The following FIG4 variants were observed in gnomAD, a reference collection of about 807,000 sequenced individuals.
The protein encoded by FIG4 is FIG4 phosphoinositide 5-phosphatase, also known as polyphosphoinositide phosphatase.
Under a neutral mutation model 118.6 loss-of-function variants are expected in FIG4, and 112 were observed. That is an observed-to-expected ratio of 0.94 (90% CI 0.81 to 1.11). The LOEUF is 1.11. FIG4 is among the 50% of genes least tolerant of loss of function. FIG4 has a pLI of 0.00. For missense variants in FIG4, 969 were observed against 1,111.7 expected, an observed-to-expected ratio of 0.87 and a Z score of 1.83; for synonymous variants, 369 against 381.2, an observed-to-expected ratio of 0.97 and a Z score of 0.37.
At chr6:109,808,455 A>G (rs1321636923) in intron 22 of FIG4, among the ~76,000 whole-genome samples, 1 of 151,906 alleles carries the variant, frequency 6.6e-6, no homozygotes, top group East Asian at 1.9e-4. Context: ...ACTTGAATGC[A>G]TGTATTTTTA....
At chr6:109,748,132 A>T (rs909243597) in intron 10 of FIG4, among the ~76,000 whole-genome samples, 1 of 152,082 alleles carries the variant, frequency 6.6e-6, no homozygotes, top group Non-Finnish European at 1.5e-5. Flanking sequence ...TGGGAGGGTA[A>T]GTTGACTAGA....
chr6:109,757,409 T>C (rs549312209), intron 10 of FIG4, among the ~76,000 whole-genome samples: 2 of 152,294 alleles, frequency 1.3e-5, no homozygotes, highest in African/African-American at 4.8e-5. Context: ...TGCAATAAAA[T>C]TGAACACCCA....
chr6:109,760,666 G>C (rs1022745025), intron 11 of FIG4, among the ~76,000 whole-genome samples: 19 of 152,018 alleles, frequency 1.2e-4, no homozygotes, highest in African/African-American at 4.3e-4. Flanking sequence ...ATATCATTCT[G>C]TCTCACTATT....
At chr6:109,810,142 AGT>A (rs1026294871) in intron 22 of FIG4, among the ~76,000 whole-genome samples, 17 of 152,162 alleles carry the variant, frequency 1.1e-4, no homozygotes, top group African/African-American at 4.1e-4. Context: ...CTAACCCCTA[AGT>A]ATGTTACTGC....
At chr6:109,738,173 C>A in intron 6 of FIG4, 152 bp from the exon 7 acceptor site, 2 of 672,992 alleles carry the variant, frequency 3.0e-6, no homozygotes, top group Non-Finnish European at 2.6e-6. Flanking sequence ...TGCTATTAAC[C>A]AAGCATGTTA....
At chr6:109,755,942 C>A (rs534586363) in intron 10 of FIG4, among the ~76,000 whole-genome samples, 4 of 152,168 alleles carry the variant, frequency 2.6e-5, no homozygotes, top group African/African-American at 4.8e-5. Flanking sequence ...TTACATTTAA[C>A]GTTAATATTG....
At chr6:109,820,583 A>G (rs550445979) in intron 22 of FIG4, among the ~76,000 whole-genome samples, 6 of 152,294 alleles carry the variant, frequency 3.9e-5, no homozygotes, top group Admixed American at 3.9e-4. Context: ...GCCGATCTCC[A>G]GAACAAGGAA....
intron 15 of FIG4, among the ~76,000 whole-genome samples, chr6:109,769,468 G>A (rs1777392300): frequency 6.6e-6 from 1 of 152,036 alleles, no homozygotes; most frequent in South Asian, 2.1e-4. Flanking sequence ...ATATCATTGG[G>A]GTGTACAACT....
intron 22 of FIG4, among the ~76,000 whole-genome samples, chr6:109,823,880 A>AG (rs1779082134): frequency 1.3e-5 from 2 of 152,194 alleles, no homozygotes; most frequent in African/African-American, 4.8e-5. Flanking sequence ...GCCAGCCCTG[A>AG]GCCAAGTAGC....
intron 11 of FIG4, among the ~76,000 whole-genome samples, chr6:109,761,579 G>A (rs993342005): frequency 5.3e-5 from 8 of 152,142 alleles, no homozygotes; most frequent in Non-Finnish European, 2.9e-5. Flanking sequence ...TGGAGATGGG[G>A]TTTCACCATG....
At chr6:109,799,009 C>T (rs1778361758) in intron 22 of FIG4, among the ~76,000 whole-genome samples, 1 of 152,020 alleles carries the variant, frequency 6.6e-6, no homozygotes, top group Non-Finnish European at 1.5e-5. Context: ...GTGATTATTC[C>T]ACTAAAATAA....
At chr6:109,713,105 G>A (rs1008648372) in intron 1 of FIG4, among the ~76,000 whole-genome samples, 15 of 152,184 alleles carry the variant, frequency 9.9e-5, no homozygotes, top group African/African-American at 1.4e-4. Context: ...TATCCGATGC[G>A]CTGAGGGTGC....
chr6:109,743,069 C>G, intron 8 of FIG4, 41 bp from the exon 9 acceptor site: 1 of 1,524,832 alleles, frequency 6.6e-7, no homozygotes, highest in Non-Finnish European at 9.1e-7. Context: ...TTAAACATTT[C>G]TAATAACATA....
intron 1 of FIG4, among the ~76,000 whole-genome samples, chr6:109,705,408 TC>T (rs1255357670): frequency 2.6e-5 from 4 of 152,328 alleles, no homozygotes; most frequent in African/African-American, 9.6e-5. Flanking sequence ...TTTCTTTCCC[TC>T]ATAACTGGCT....
chr6:109,740,491 G>A (rs1343624946), intron 7 of FIG4, among the ~76,000 whole-genome samples: 1 of 152,072 alleles, frequency 6.6e-6, no homozygotes, highest in Non-Finnish European at 1.5e-5. Context: ...TTACTTTACT[G>A]TTACTCCATT....
At chr6:109,789,760 A>G in intron 19 of FIG4, 83 bp downstream of exon 19, 3 of 927,454 alleles carry the variant, frequency 3.2e-6, no homozygotes, top group Non-Finnish European at 5.3e-6. Flanking sequence ...AAAAACTAAT[A>G]ACTTCAGGTC....
intron 22 of FIG4, among the ~76,000 whole-genome samples, chr6:109,819,554 C>T (rs753255223): frequency 1.1e-4 from 16 of 152,110 alleles, no homozygotes; most frequent in Non-Finnish European, 1.8e-4. Context: ...CTGCAACCTC[C>T]GCCTCCCAGG....
In FIG4 at chr6:109,792,665, G is replaced by A. The variant is rs747768373; in HGVS notation, c.2459+1G>A. The A allele has an allele frequency of 6.5e-5, 98 of 1,509,490 alleles. No individual in the cohort carries two copies. Among genetic ancestry groups the A allele is most frequent in the Non-Finnish European group, 8.7e-5 (95 of 1,086,116 alleles). The allele number at this position is 1,509,490 out of a possible 1,614,324, so 93.5% of individuals were successfully genotyped here. ...AAGAAGATTTCTCCATTTATTCAAG[G>A]TGAGATACTTTCATGTAGATATTAA... On this transcript the variant is annotated splice_donor_variant, in intron 21 of 22. Transcript: ENST00000230124. LOFTEE classifies it high-confidence loss of function.
At chr6:109,706,059 T>C (rs4947014) in intron 1 of FIG4, among the ~76,000 whole-genome samples, 119,850 of 152,158 alleles carry the variant, frequency 0.79, 47,354 homozygotes, top group African/African-American at 0.86. Flanking sequence ...AACACTTAGC[T>C]AATGCCTGAG....
Sources: allele counts gnomAD v4.1 joint callset (sites outside exome capture counted in the v4.1 genomes callset), GRCh38; gene constraint gnomAD v4.1.1; transcripts MANE v1.5; gene names NCBI Gene and HGNC (gene_info 2026-07-23, HGNC 2026-07-21).